Variants in CTNND2 observed in about 807,000 individuals in gnomAD.
CTNND2 encodes the protein catenin delta-2.
A neutral mutation model predicts 144.4 loss-of-function variants in CTNND2; 22 were observed. That is an observed-to-expected ratio of 0.15 (90% CI 0.11 to 0.22). The LOEUF (loss-of-function observed/expected upper bound fraction) is 0.22. Among genes scored for constraint, CTNND2 ranks in the 10% least tolerant of loss-of-function variants. The pLI is 1.00. For missense variants in CTNND2, 1,353 were observed against 1,618.8 expected (o/e 0.84, Z 2.82); for synonymous variants, 751 against 695.6 (o/e 1.08, Z -1.25).
intron 12 of CTNND2, among the ~76,000 whole-genome samples, chr5:11,131,650 G>A (rs28451257): frequency 0.021 from 3,256 of 152,176 alleles, 111 homozygotes; most frequent in African/African-American, 0.075. Flanking sequence ...TTAGCCAGGC[G>A]TGGTGGCGGG....
At chr5:11,851,686 T>C (rs149171155) in intron 1 of CTNND2, among the ~76,000 whole-genome samples, 237 of 152,340 alleles carry the variant, frequency 1.6e-3, no homozygotes, top group Non-Finnish European at 2.0e-3. Context: ...TTTGGGGAGT[T>C]TGCTTGGCCT....
intron 2 of CTNND2, among the ~76,000 whole-genome samples, chr5:11,673,518 T>A (rs1179168445): frequency 6.6e-6 from 1 of 152,200 alleles, no homozygotes; most frequent in Non-Finnish European, 1.5e-5. Context: ...TTGGGTTTTA[T>A]GAGTTAAAAT....
At chr5:11,643,879 T>C (rs935656430) in intron 2 of CTNND2, among the ~76,000 whole-genome samples, 6 of 152,204 alleles carry the variant, frequency 3.9e-5, no homozygotes, top group African/African-American at 1.4e-4. Context: ...AACGAAAGAA[T>C]TTCATTTTTT....
chr5:11,241,377 C>T (rs258628), intron 9 of CTNND2, among the ~76,000 whole-genome samples: 10,043 of 152,188 alleles, frequency 0.066, 415 homozygotes, highest in South Asian at 0.13. Flanking sequence ...GAAAAAGCCC[C>T]GATCATTAAG....
At chr5:11,268,798 T>C (rs977974494) in intron 9 of CTNND2, among the ~76,000 whole-genome samples, 2 of 152,200 alleles carry the variant, frequency 1.3e-5, no homozygotes, top group African/African-American at 2.4e-5. Context: ...TTTGTACTTA[T>C]GTCTTCAAAA....
chr5:11,061,018 T>C (rs1277943188), intron 16 of CTNND2, among the ~76,000 whole-genome samples: 1 of 152,206 alleles, frequency 6.6e-6, no homozygotes, highest in Non-Finnish European at 1.5e-5. Flanking sequence ...TCCTGAGCTC[T>C]AAATGAATAT....
chr5:11,717,411 T>A (rs1247190799), intron 2 of CTNND2, among the ~76,000 whole-genome samples: 2 of 151,262 alleles, frequency 1.3e-5, no homozygotes, highest in East Asian at 4.0e-4. Flanking sequence ...CCATTTCTAC[T>A]GCAAATACAA....
In CTNND2 at chr5:11,016,258, TTC is replaced by T. The variant is rs754218856; in HGVS notation, c.3084+1714_3084+1715del. Among the ~76,000 whole-genome samples, 30 of 152,328 alleles carry T rather than the reference TTC, an allele frequency of 2.0e-4. No individual in the cohort carries two copies. In the South Asian group the frequency reaches 4.3e-3, roughly 22 times the overall value. Reference sequence around the variant, plus strand: ...TCTAGAACTTCCACTTAATTTTGCATTCTGTTTCAACTTAAACACACTTCCTC... The same window carrying T: ...TCTAGAACTTCCACTTAATTTTGCATTGTTTCAACTTAAACACACTTCCTC... On this transcript the variant is annotated intron_variant, in intron 18 of 21. Coordinates refer to ENST00000304623, the MANE Select transcript of CTNND2 (RefSeq NM_001332.4).
At chr5:11,279,299 C>T (rs1386065681) in intron 9 of CTNND2, among the ~76,000 whole-genome samples, 1 of 152,152 alleles carries the variant, frequency 6.6e-6, no homozygotes, top group Non-Finnish European at 1.5e-5. Flanking sequence ...TCCCTCTCAC[C>T]ATTTCCAGCA....
intron 3 of CTNND2, among the ~76,000 whole-genome samples, chr5:11,512,525 T>C (rs1004859042): frequency 1.3e-5 from 2 of 152,386 alleles, no homozygotes; most frequent in Middle Eastern, 3.4e-3. Flanking sequence ...CTGGTTATCA[T>C]GTATTTGTGC....
At chr5:11,096,217 G>A (rs1751333502) in intron 15 of CTNND2, among the ~76,000 whole-genome samples, 1 of 152,082 alleles carries the variant, frequency 6.6e-6, no homozygotes, top group Admixed American at 6.5e-5. Context: ...TGCAGAATGT[G>A]CAGGTTTGTT....
chr5:11,343,520 G>C (rs150025438), intron 9 of CTNND2, among the ~76,000 whole-genome samples: 23 of 151,706 alleles, frequency 1.5e-4, no homozygotes, highest in African/African-American at 5.6e-4. Context: ...TTCATCCTCT[G>C]AAAAAAAATC....
At chr5:11,137,452 T>A (rs554981650) in intron 12 of CTNND2, among the ~76,000 whole-genome samples, 4 of 152,344 alleles carry the variant, frequency 2.6e-5, no homozygotes, top group African/African-American at 9.6e-5. Context: ...TTCCTTGTTT[T>A]TTCCTTGCTT....
intron 11 of CTNND2, among the ~76,000 whole-genome samples, chr5:11,164,136 T>C (rs185988774): frequency 6.6e-6 from 1 of 152,220 alleles, no homozygotes; most frequent in Admixed American, 6.5e-5. Flanking sequence ...TCCTGGACTC[T>C]GACCCTCCTA....
In CTNND2 at chr5:11,542,246, G is replaced by A. The variant is rs139507506; in HGVS notation, c.287+22698C>T. 9.2e-5 allele frequency among the ~76,000 whole-genome samples: 14 copies of A among 152,150 alleles called. No homozygotes were observed. The East Asian group carries it at 1.2e-3, about 13-fold the overall frequency. ...GACCCACCGCCTGTTAGGACAGAAC[G>A]CCTTCTTTTCAAGGAAGGTTAGAAT... On this transcript the variant is annotated intron_variant, in intron 3 of 21. Coordinates refer to ENST00000304623, the MANE Select transcript of CTNND2 (RefSeq NM_001332.4).
intron 3 of CTNND2, among the ~76,000 whole-genome samples, chr5:11,563,468 C>G (rs1776833777): frequency 6.6e-6 from 1 of 152,132 alleles, no homozygotes; most frequent in African/African-American, 2.4e-5. Flanking sequence ...CTAAATTCAC[C>G]ACCTTCAATT....
chr5:11,137,825 A>G (rs767100516), intron 12 of CTNND2, among the ~76,000 whole-genome samples: 3 of 152,222 alleles, frequency 2.0e-5, no homozygotes, highest in African/African-American at 4.8e-5. Context: ...ATGAAATTAG[A>G]GGTATTTAAT....
chr5:11,891,500 C>A (rs1276276699), intron 1 of CTNND2, among the ~76,000 whole-genome samples: 2 of 152,102 alleles, frequency 1.3e-5, no homozygotes, highest in African/African-American at 4.8e-5. Flanking sequence ...AAGTCCTAGC[C>A]CCCGATGTGA....
At chr5:11,372,668 C>G (rs1185800016) in intron 7 of CTNND2, among the ~76,000 whole-genome samples, 7 of 152,294 alleles carry the variant, frequency 4.6e-5, no homozygotes, top group East Asian at 3.9e-4. Context: ...AAAGTAGCAC[C>G]AAATTTACTA....
Sources: gnomAD v4.1 joint callset for allele counts (sites outside exome capture counted in the v4.1 genomes callset) on GRCh38, gnomAD v4.1.1 for gene constraint, MANE v1.5 for transcripts, NCBI Gene and HGNC (gene_info 2026-07-23, HGNC 2026-07-21) for gene names.